The following PTPRD variants were observed in gnomAD, a reference collection of about 807,000 sequenced individuals.
The protein encoded by PTPRD is protein tyrosine phosphatase receptor type D.
PTPRD carries 34 observed loss-of-function variants against 214.5 expected under a neutral mutation model. The observed-to-expected ratio is 0.16, with a 90% CI of 0.12 to 0.21. PTPRD has a LOEUF of 0.21. Ranked by LOEUF, PTPRD falls within the 10% of genes least tolerant of loss-of-function variation. PTPRD has a pLI of 1.00. For missense variants in PTPRD, 2,545 were observed against 2,398.7 expected (o/e 1.06, Z -1.27); for synonymous variants, 1,128 against 845.7 (o/e 1.33, Z -5.79).
At chr9:9,984,473 G>A (rs978548174) in intron 4 of PTPRD, among the ~76,000 whole-genome samples, 1 of 152,126 alleles carries the variant, frequency 6.6e-6, no homozygotes, top group Non-Finnish European at 1.5e-5. Context: ...GACATGGTCT[G>A]TAGTCATGAG....
intron 2 of PTPRD, among the ~76,000 whole-genome samples, chr9:10,551,825 GA>G (rs941558920): frequency 2.0e-5 from 3 of 151,736 alleles, no homozygotes; most frequent in African/African-American, 4.8e-5. Context: ...CATATGCCCA[GA>G]AAAAAAACTA....
intron 10 of PTPRD, among the ~76,000 whole-genome samples, chr9:9,037,750 A>G (rs1400482867): frequency 6.6e-6 from 1 of 152,208 alleles, no homozygotes; most frequent in Non-Finnish European, 1.5e-5. Flanking sequence ...CATAGGATTA[A>G]GCATTTAAGT....
chr9:10,477,885 A>C (rs1479071246), intron 2 of PTPRD, among the ~76,000 whole-genome samples: 1 of 152,178 alleles, frequency 6.6e-6, no homozygotes, highest in East Asian at 1.9e-4. Context: ...CAGGAACAGA[A>C]AACCAAACAC....
At chr9:9,290,439 A>G (rs1241475724) in intron 9 of PTPRD, among the ~76,000 whole-genome samples, 1 of 151,518 alleles carries the variant, frequency 6.6e-6, no homozygotes, top group Non-Finnish European at 1.5e-5. Context: ...TTTCTTTACT[A>G]TGCAGACATT....
intron 3 of PTPRD, among the ~76,000 whole-genome samples, chr9:10,122,899 G>C (rs2098787836): frequency 6.6e-6 from 1 of 152,172 alleles, no homozygotes; most frequent in Non-Finnish European, 1.5e-5. Context: ...CCTTGACAGA[G>C]GCAGCCTGGA....
intron 14 of PTPRD, among the ~76,000 whole-genome samples, chr9:8,563,407 G>A (rs564384004): frequency 6.7e-6 from 1 of 150,176 alleles, no homozygotes; most frequent in South Asian, 2.1e-4. Flanking sequence ...TATACAGATG[G>A]TCTCCTACTT....
intron 11 of PTPRD, among the ~76,000 whole-genome samples, chr9:8,742,846 A>T (rs1337329743): frequency 6.6e-6 from 1 of 152,158 alleles, no homozygotes; most frequent in East Asian, 1.9e-4. Context: ...GGGTGATCAA[A>T]TCTCTGGGCC....
At chr9:9,115,298 A>G (rs950019049) in intron 10 of PTPRD, among the ~76,000 whole-genome samples, 12 of 152,122 alleles carry the variant, frequency 7.9e-5, no homozygotes, top group African/African-American at 2.7e-4. Flanking sequence ...ATAATCTTAC[A>G]TAGAGGATAA....
chr9:9,234,915 C>G (rs531883445), intron 9 of PTPRD, among the ~76,000 whole-genome samples: 1 of 152,194 alleles, frequency 6.6e-6, no homozygotes, highest in Non-Finnish European at 1.5e-5. Context: ...CTGACTGTTA[C>G]CCATTTCCAA....
chr9:9,550,953 G>A (rs1279959835), intron 8 of PTPRD, among the ~76,000 whole-genome samples: 1 of 151,802 alleles, frequency 6.6e-6, no homozygotes, highest in Non-Finnish European at 1.5e-5. Flanking sequence ...CCAAATGTTG[G>A]CAAGTAGAGA....
intron 7 of PTPRD, among the ~76,000 whole-genome samples, chr9:9,586,390 A>C (rs183507713): frequency 6.6e-6 from 1 of 152,052 alleles, no homozygotes; most frequent in Non-Finnish European, 1.5e-5. Context: ...GGAAATGATT[A>C]TGTAGTCATA....
intron 7 of PTPRD, among the ~76,000 whole-genome samples, chr9:9,712,652 C>T (rs536002904): frequency 9.2e-5 from 14 of 152,218 alleles, no homozygotes; most frequent in Non-Finnish European, 1.8e-4. Context: ...ATGTATCCTT[C>T]AGAAACTACA....
At chr9:10,481,415 C>G (rs966031331) in intron 2 of PTPRD, among the ~76,000 whole-genome samples, 1 of 152,018 alleles carries the variant, frequency 6.6e-6, no homozygotes, top group Non-Finnish European at 1.5e-5. Flanking sequence ...AAAACATATT[C>G]ATAGATATCA....
intron 11 of PTPRD, among the ~76,000 whole-genome samples, chr9:8,870,687 A>AACACACACAC (rs3046878): frequency 0.11 from 14,510 of 131,230 alleles, 957 homozygotes; most frequent in African/African-American, 0.13. Context: ...ACAGACATGA[A>AACACACACAC]ACACACACAC....
intron 7 of PTPRD, among the ~76,000 whole-genome samples, chr9:9,720,768 T>C (rs779764350): frequency 6.6e-6 from 1 of 151,926 alleles, no homozygotes; most frequent in Non-Finnish European, 1.5e-5. Flanking sequence ...ACAGGTTGGA[T>C]AAATAAAATG....
At chr9:8,421,527 G>C (rs1402276299) in intron 35 of PTPRD, among the ~76,000 whole-genome samples, 2 of 152,108 alleles carry the variant, frequency 1.3e-5, no homozygotes, top group Non-Finnish European at 2.9e-5. Flanking sequence ...TGAAGACCCT[G>C]TAATCCCTTG....
chr9:8,774,648 C>T (rs1355300686), intron 11 of PTPRD, among the ~76,000 whole-genome samples: 4 of 148,824 alleles, frequency 2.7e-5, no homozygotes, highest in African/African-American at 9.9e-5. Context: ...GATTCTCCTG[C>T]CTCAGCCTCC....
intron 39 of PTPRD, among the ~76,000 whole-genome samples, chr9:8,348,647 C>G (rs1303114681): frequency 6.6e-6 from 1 of 152,110 alleles, no homozygotes; most frequent in African/African-American, 2.4e-5. Flanking sequence ...ACTGTTAAAA[C>G]CGCAGGGCCC....
intron 11 of PTPRD, among the ~76,000 whole-genome samples, chr9:8,771,030 A>ACATAT (rs1259238600): frequency 2.0e-5 from 3 of 151,962 alleles, no homozygotes; most frequent in African/African-American, 4.8e-5. Context: ...ATACAAAAAA[A>ACATAT]ATTAGCCGGG....
Sources: gnomAD v4.1 joint callset for allele counts (sites outside exome capture counted in the v4.1 genomes callset) on GRCh38, gnomAD v4.1.1 for gene constraint, MANE v1.5 for transcripts, NCBI Gene and HGNC (gene_info 2026-07-23, HGNC 2026-07-21) for gene names.